DLC1: variants seen among roughly 807,000 people sequenced by gnomAD.
DLC1 encodes DLC1 Rho GTPase activating protein, also known as rho GTPase-activating protein 7.
Under a neutral mutation model 140.3 loss-of-function variants are expected in DLC1, and 54 were observed. That is an observed-to-expected ratio of 0.38 (90% confidence interval 0.31 to 0.48). DLC1 has a LOEUF of 0.48. Ranked by LOEUF, DLC1 falls within the 20% of genes least tolerant of loss-of-function variation. The pLI is 0.96. For missense variants in DLC1, 2,536 were observed against 1,907.0 expected (o/e 1.33, Z -6.14); for synonymous variants, 986 against 728.1 (o/e 1.35, Z -5.70).
intron 5 of DLC1, among the ~76,000 whole-genome samples, chr8:13,141,889 C>T (rs559864138): frequency 6.6e-6 from 1 of 152,154 alleles, no homozygotes; most frequent in Non-Finnish European, 1.5e-5. Context: ...ATAGACCTAG[C>T]AACAAGGCTT....
At chr8:13,086,122 G>A (rs1459627263) in intron 17 of DLC1, 168 bp downstream of exon 17, 2 of 1,318,488 alleles carry the variant, frequency 1.5e-6, no homozygotes, top group East Asian at 2.5e-5. Context: ...ATTACGAAGT[G>A]GTCGCTGAAA....
At position 13,091,319 on chromosome 8, in the gene DLC1, T is replaced by C. The variant is rs1327945498; in HGVS notation, c.3854A>G (p.Gln1285Arg). Residue 1285 changes from glutamine (Q) to arginine (R), a missense_variant and splice_region_variant, in exon 14 of 18, where the codon CAG (glutamine) becomes CGG (arginine). Gln to Arg is a conservative substitution (Grantham distance 43, BLOSUM62 1). Transcript: ENST00000276297. ...HMIAECKKLF[Q>R]VPEEMSRCRN... ...GAGCCAAACTTCTCAATTCCTTACC[T>C]GGAAAAGCTTCTTGCACTCGGCGAT... 1 of 1,613,704 alleles carries C rather than the reference T, an allele frequency of 6.2e-7. No homozygotes were observed. The highest frequency in any genetic ancestry group is 8.5e-7 in the Non-Finnish European group (1 of 1,179,944).
intron 5 of DLC1, among the ~76,000 whole-genome samples, chr8:13,235,653 CT>C (rs111911713): frequency 6.7e-6 from 1 of 150,292 alleles, no homozygotes. Flanking sequence ...AACTATAGAG[CT>C]TTTTTTTTAG....
intron 4 of DLC1, among the ~76,000 whole-genome samples, chr8:13,368,319 T>C (rs1835584151): frequency 6.6e-6 from 1 of 152,064 alleles, no homozygotes; most frequent in Non-Finnish European, 1.5e-5. Context: ...TTTCTTCCCT[T>C]CCCCCGCTTT....
intron 5 of DLC1, among the ~76,000 whole-genome samples, chr8:13,288,710 G>A (rs981550405): frequency 6.6e-6 from 1 of 152,180 alleles, no homozygotes; most frequent in African/African-American, 2.4e-5. Context: ...CAGGAGAGGC[G>A]GCCCCTATCA....
intron 2 of DLC1, among the ~76,000 whole-genome samples, chr8:13,449,987 C>A (rs1798965072): frequency 6.6e-6 from 1 of 151,468 alleles, no homozygotes; most frequent in Non-Finnish European, 1.5e-5. Flanking sequence ...TACAGGCTTC[C>A]CCAACTCTGT....
chr8:13,403,023 A>G (rs1837366318), intron 2 of DLC1, among the ~76,000 whole-genome samples: 1 of 152,262 alleles, frequency 6.6e-6, no homozygotes, highest in Non-Finnish European at 1.5e-5. Flanking sequence ...TTACTTAAGT[A>G]AACCGAACTT....
intron 4 of DLC1, among the ~76,000 whole-genome samples, chr8:13,316,200 T>C (rs1168286258): frequency 1.3e-5 from 2 of 149,934 alleles, no homozygotes; most frequent in Non-Finnish European, 3.0e-5. Flanking sequence ...CCACTTGATC[T>C]ACTAGCTAGT....
Position 13,579,370 on chromosome 8 carries a change from TAA to T in DLC1, c.-126+25165_-126+25166del, listed in dbSNP as rs1804983892. ...ATATATATATATATATATTTTTATA[TAA>T]TACATATTTATATATTATATATTAT... On this transcript the variant is annotated intron_variant, in intron 1 of 1. Transcript: ENST00000631382. Among the ~76,000 whole-genome samples the T allele has an allele frequency of 1.9e-4, 8 of 42,976 alleles. 1 individual carries two copies. Among genetic ancestry groups the T allele is most frequent in the African/African-American group, 6.5e-4 (5 of 7,728 alleles). 28.2% of individuals were successfully genotyped at this position (42,976 alleles called of 152,430 possible). A position where few individuals can be genotyped will look rare whatever the true frequency, so the allele number is the denominator to read the frequency against.
chr8:13,372,354 G>A (rs934929208), intron 4 of DLC1, among the ~76,000 whole-genome samples: 4 of 152,040 alleles, frequency 2.6e-5, no homozygotes, highest in African/African-American at 9.7e-5. Context: ...TCAATAAAAA[G>A]GGTCATTTCC....
intron 1 of DLC1, among the ~76,000 whole-genome samples, chr8:13,570,541 C>T (rs1194261906): frequency 1.4e-5 from 2 of 141,268 alleles, no homozygotes; most frequent in African/African-American, 2.7e-5. Flanking sequence ...TGAGAATATG[C>T]GGTGTTTGGT....
At chr8:13,151,088 G>C (rs1429545142) in intron 5 of DLC1, among the ~76,000 whole-genome samples, 1 of 152,176 alleles carries the variant, frequency 6.6e-6, no homozygotes, top group Non-Finnish European at 1.5e-5. Context: ...TGGGGAAGTT[G>C]AATTACAAGA....
intron 1 of DLC1, among the ~76,000 whole-genome samples, chr8:13,523,525 C>G (rs774425202): frequency 1.3e-5 from 2 of 152,008 alleles, no homozygotes; most frequent in Non-Finnish European, 2.9e-5. Flanking sequence ...GAGATCTGGG[C>G]TAGACAAATA....
intron 5 of DLC1, among the ~76,000 whole-genome samples, chr8:13,191,878 T>G (rs1261738098): frequency 6.6e-6 from 1 of 151,858 alleles, no homozygotes; most frequent in African/African-American, 2.4e-5. Context: ...GACTCTGACC[T>G]CTCTCGTCTC....
At chr8:13,110,549 G>A (rs1236637441) in intron 7 of DLC1, among the ~76,000 whole-genome samples, 193 bp downstream of exon 7, 2 of 152,148 alleles carry the variant, frequency 1.3e-5, no homozygotes, top group East Asian at 3.9e-4. Context: ...CAGCGTGGAT[G>A]CTATTTTAAT....
At chr8:13,275,416 A>G (rs146005164) in intron 5 of DLC1, among the ~76,000 whole-genome samples, 1,693 of 152,342 alleles carry the variant, frequency 0.011, 17 homozygotes, top group Middle Eastern at 0.031. Flanking sequence ...TGGATTGACC[A>G]AAGAGGTTAA....
intron 2 of DLC1, among the ~76,000 whole-genome samples, chr8:13,426,214 G>GTCAA (rs35799943): frequency 6.6e-6 from 1 of 151,864 alleles, no homozygotes; most frequent in South Asian, 2.1e-4. Flanking sequence ...TTAAATGACA[G>GTCAA]TTTTCTTTTG....
upstream of DLC1, among the ~76,000 whole-genome samples, chr8:13,516,773 A>G (rs994503740): frequency 6.6e-6 from 1 of 152,212 alleles, no homozygotes; most frequent in African/African-American, 2.4e-5. Flanking sequence ...AAGTGTTTCT[A>G]CTGACAGTAT....
chr8:13,151,419 T>G (rs1453238485), intron 5 of DLC1, among the ~76,000 whole-genome samples: 1 of 152,190 alleles, frequency 6.6e-6, no homozygotes, highest in Non-Finnish European at 1.5e-5. Flanking sequence ...ACAACTTGCC[T>G]AAGGTCATAC....
Sources: gnomAD v4.1 joint callset for allele counts (sites outside exome capture counted in the v4.1 genomes callset) on GRCh38, gnomAD v4.1.1 for gene constraint, MANE v1.5 for transcripts, NCBI Gene and HGNC (gene_info 2026-07-23, HGNC 2026-07-21) for gene names.